GLIS3: variants seen among roughly 807,000 people sequenced by gnomAD.
GLIS3 encodes the protein GLIS family zinc finger 3.
GLIS3 carries 53 observed loss-of-function variants against 78.6 expected under a neutral mutation model. That is an observed-to-expected ratio of 0.67 (90% CI 0.54 to 0.85). The LOEUF is 0.85. GLIS3 is among the 40% of genes least tolerant of loss of function. GLIS3 has a pLI of 0.00. For missense variants in GLIS3, 1,703 were observed against 1,231.1 expected (o/e 1.38, Z -5.74); for synonymous variants, 684 against 509.9 (o/e 1.34, Z -4.60).
At chr9:3,911,682 T>C (rs1275502798) in intron 6 of GLIS3, among the ~76,000 whole-genome samples, 1 of 152,222 alleles carries the variant, frequency 6.6e-6, no homozygotes, top group East Asian at 1.9e-4. Flanking sequence ...GTGAGAAAGT[T>C]GTTTAACATT....
chr9:4,026,895 A>G (rs1354280345), intron 4 of GLIS3, among the ~76,000 whole-genome samples: 1 of 152,224 alleles, frequency 6.6e-6, no homozygotes, highest in Non-Finnish European at 1.5e-5. Flanking sequence ...AGATGAAAAG[A>G]GAGAAACAAA....
chr9:4,156,206 A>G (rs927320), intron 2 of GLIS3, among the ~76,000 whole-genome samples: 37,496 of 152,026 alleles, frequency 0.25, 5,223 homozygotes, highest in African/African-American at 0.35. Context: ...ATGACAAAAC[A>G]AACTCTCCTC....
chr9:3,974,642 T>C (rs1320380780), intron 4 of GLIS3, among the ~76,000 whole-genome samples: 1 of 152,174 alleles, frequency 6.6e-6, no homozygotes, highest in Non-Finnish European at 1.5e-5. Context: ...GAATATACAA[T>C]GAAACTATTA....
At chr9:4,255,182 G>A (rs904850117) in intron 2 of GLIS3, among the ~76,000 whole-genome samples, 8 of 152,308 alleles carry the variant, frequency 5.3e-5, no homozygotes, top group East Asian at 1.9e-4. Context: ...CACCTATCAT[G>A]ACTACCTAAA....
intron 2 of GLIS3, among the ~76,000 whole-genome samples, chr9:4,233,492 C>A (rs775045220): frequency 6.6e-6 from 1 of 152,170 alleles, no homozygotes; most frequent in South Asian, 2.1e-4. Context: ...TGAAGGAAAT[C>A]TTTCTTTTTT....
intron 4 of GLIS3, among the ~76,000 whole-genome samples, chr9:4,111,351 T>G (rs1249634350): frequency 6.6e-6 from 1 of 152,212 alleles, no homozygotes; most frequent in East Asian, 1.9e-4. Flanking sequence ...CATCCTAGAA[T>G]CACAGGGCAA....
intron 4 of GLIS3, among the ~76,000 whole-genome samples, chr9:4,073,805 A>C (rs1046422935): frequency 1.1e-4 from 17 of 151,462 alleles, no homozygotes; most frequent in African/African-American, 4.2e-4. Flanking sequence ...TTGTTTAAAT[A>C]AATTATTTAA....
At chr9:3,947,116 G>A (rs1263522008) in intron 4 of GLIS3, among the ~76,000 whole-genome samples, 1 of 152,210 alleles carries the variant, frequency 6.6e-6, no homozygotes, top group African/African-American at 2.4e-5. Context: ...TGGCTACAGG[G>A]TCTGTGTTCA....
intron 2 of GLIS3, among the ~76,000 whole-genome samples, chr9:4,239,678 A>C (rs567000844): frequency 6.6e-6 from 1 of 152,312 alleles, no homozygotes; most frequent in African/African-American, 2.4e-5. Context: ...ATTGTTTCTG[A>C]CTTTTCCATT....
the GLIS3 span, among the ~76,000 whole-genome samples, chr9:4,442,884 G>A: frequency 0.19 from 28,786 of 151,816 alleles, 2,991 homozygotes; most frequent in Middle Eastern, 0.29. Context: ...CCAGACCCCA[G>A]TCCAGAACAC....
At chr9:4,440,641 A>G in the GLIS3 span, among the ~76,000 whole-genome samples, 1 of 152,168 alleles carries the variant, frequency 6.6e-6, no homozygotes, top group African/African-American at 2.4e-5. Context: ...TGCTTTGACT[A>G]TTCAAGGTTT....
At chr9:3,934,430 G>A (rs1386540111) in intron 5 of GLIS3, among the ~76,000 whole-genome samples, 7 of 142,254 alleles carry the variant, frequency 4.9e-5, no homozygotes, top group Non-Finnish European at 7.6e-5. Flanking sequence ...TTTTTTTTGA[G>A]ATGGAGTCGC....
the GLIS3 span, among the ~76,000 whole-genome samples, chr9:4,483,939 C>T: frequency 6.6e-6 from 1 of 152,184 alleles, no homozygotes; most frequent in African/African-American, 2.4e-5. Flanking sequence ...CAATAATCCT[C>T]ACCTCACTGA....
chr9:3,836,496 A>C (rs1222818442), intron 9 of GLIS3, among the ~76,000 whole-genome samples: 3 of 152,202 alleles, frequency 2.0e-5, no homozygotes, highest in African/African-American at 7.2e-5. Flanking sequence ...CAGAAGATGC[A>C]TGACCCCACT....
At chr9:4,274,843 A>T (rs148636032) in intron 2 of GLIS3, among the ~76,000 whole-genome samples, 35 of 152,290 alleles carry the variant, frequency 2.3e-4, no homozygotes, top group Admixed American at 4.6e-4. Context: ...AGTGCCCTGT[A>T]CATTTCTAAC....
At chr9:4,017,525 T>G (rs928259450) in intron 4 of GLIS3, among the ~76,000 whole-genome samples, 2 of 152,028 alleles carry the variant, frequency 1.3e-5, no homozygotes, top group African/African-American at 4.8e-5. Context: ...CATAAGCAAC[T>G]GGAGAAGGGA....
chr9:4,395,254 T>C, the GLIS3 span, among the ~76,000 whole-genome samples: 1 of 152,224 alleles, frequency 6.6e-6, no homozygotes, highest in East Asian at 1.9e-4. Context: ...ACAAGTATAA[T>C]ATAAATGTAT....
the GLIS3 span, among the ~76,000 whole-genome samples, chr9:4,453,209 C>G: frequency 6.6e-6 from 1 of 152,010 alleles, no homozygotes; most frequent in Non-Finnish European, 1.5e-5. Flanking sequence ...CATAAAAACT[C>G]TAGAAGAAAA....
the GLIS3 span, among the ~76,000 whole-genome samples, chr9:4,381,882 T>G: frequency 6.6e-6 from 1 of 152,218 alleles, no homozygotes; most frequent in Non-Finnish European, 1.5e-5. Context: ...GCCCCTTCAG[T>G]GACCCAAGGT....
Sources: gnomAD v4.1 joint callset for allele counts (sites outside exome capture counted in the v4.1 genomes callset) on GRCh38, gnomAD v4.1.1 for gene constraint, MANE v1.5 for transcripts, NCBI Gene and HGNC (gene_info 2026-07-23, HGNC 2026-07-21) for gene names.